The following NRXN1 variants were observed in gnomAD, a reference collection of about 807,000 sequenced individuals.
NRXN1 encodes neurexin 1.
In NRXN1, 39 loss-of-function variants were observed where a neutral mutation model predicts 150.9. The observed-to-expected ratio is 0.26, with a 90% CI of 0.20 to 0.34. NRXN1 has a LOEUF of 0.34. Among genes scored for constraint, NRXN1 ranks in the 10% least tolerant of loss-of-function variants. The probability of loss-of-function intolerance (pLI) is 1.00; values close to 1 mark genes in which losing one functional copy is unlikely to be tolerated. For missense variants in NRXN1, 1,815 were observed against 1,949.9 expected (o/e 0.93, Z 1.30); for synonymous variants, 924 against 757.0 (o/e 1.22, Z -3.62).
rs144187550 is a variant in NRXN1, at chr2:50,007,944, T to C, written c.4128+45327A>G. ...AGTGTTATTCTAACTCCCAATGCTG[T>C]CTACCTAATGTGAAAGTTCACCATT... is the stretch of plus-strand genomic sequence containing the variant. On this transcript the variant is annotated intron_variant, in intron 21 of 22. Coordinates refer to ENST00000401669, the MANE Select transcript of NRXN1 (RefSeq NM_001330078.2). Among the ~76,000 whole-genome samples, 92 of 152,242 alleles carry C rather than the reference T, an allele frequency of 6.0e-4. No homozygotes were observed. The East Asian group carries it at 0.016, about 27-fold the overall frequency.
chr2:50,848,393 T>C (rs1247740724), intron 5 of NRXN1, among the ~76,000 whole-genome samples: 1 of 152,110 alleles, frequency 6.6e-6, no homozygotes, highest in Non-Finnish European at 1.5e-5. Flanking sequence ...CTCCAATGGG[T>C]CAAAGTTATC....
chr2:50,623,212 C>T (rs1680359389), intron 6 of NRXN1, 102 bp downstream of exon 6: 1 of 879,078 alleles, frequency 1.1e-6, no homozygotes, highest in Non-Finnish European at 1.7e-6. Context: ...TTGCAAGTGA[C>T]TCTGAGGAGC....
At chr2:50,559,478 T>G (rs968815942) in intron 8 of NRXN1, among the ~76,000 whole-genome samples, 2 of 152,204 alleles carry the variant, frequency 1.3e-5, no homozygotes, top group African/African-American at 2.4e-5. Context: ...CACTTCCCTG[T>G]GCATATGCCT....
chr2:50,866,623 G>A (rs895642559), intron 5 of NRXN1, among the ~76,000 whole-genome samples: 1 of 151,836 alleles, frequency 6.6e-6, no homozygotes, highest in Admixed American at 6.6e-5. Context: ...TAATTTACAC[G>A]CCTCTTTAAG....
At chr2:50,115,238 TATAC>T (rs1558909225) in intron 18 of NRXN1, among the ~76,000 whole-genome samples, 1 of 145,028 alleles carries the variant, frequency 6.9e-6, no homozygotes, top group African/African-American at 2.5e-5. Context: ...TATATATATA[TATAC>T]ACACACACAC....
chr2:50,139,823 A>G (rs1030984829), intron 18 of NRXN1, among the ~76,000 whole-genome samples: 4 of 152,206 alleles, frequency 2.6e-5, no homozygotes, highest in Non-Finnish European at 4.4e-5. Flanking sequence ...AAGAGTCATC[A>G]AGGAAAAAAT....
intron 18 of NRXN1, among the ~76,000 whole-genome samples, chr2:50,191,210 T>G (rs201630411): frequency 1.3e-4 from 12 of 93,778 alleles, no homozygotes; most frequent in East Asian, 1.1e-3. Context: ...TTTTTGTTTT[T>G]TTTTTTTTTA....
At chr2:50,825,633 T>A (rs1276937532) in intron 5 of NRXN1, among the ~76,000 whole-genome samples, 2 of 152,216 alleles carry the variant, frequency 1.3e-5, no homozygotes, top group Non-Finnish European at 2.9e-5. Context: ...GTATCCTTTG[T>A]AATATTCTTT....
chr2:50,541,761 C>A (rs1035715679), intron 9 of NRXN1, among the ~76,000 whole-genome samples: 79 of 140,990 alleles, frequency 5.6e-4, no homozygotes, highest in African/African-American at 2.0e-3. Context: ...AAATATTCAA[C>A]TCTACAGCCT....
chr2:49,947,289 G>A (rs1673077711), intron 21 of NRXN1, among the ~76,000 whole-genome samples: 1 of 152,092 alleles, frequency 6.6e-6, no homozygotes, highest in Non-Finnish European at 1.5e-5. Context: ...TTAGAGGGAG[G>A]AGGATATAAA....
chr2:50,064,717 C>G (rs1302808415), intron 19 of NRXN1, among the ~76,000 whole-genome samples: 3 of 152,092 alleles, frequency 2.0e-5, no homozygotes, highest in Non-Finnish European at 2.9e-5. Flanking sequence ...TGTTAACCCT[C>G]CAAGGAGCAT....
At chr2:50,153,350 T>C (rs2058807943) in intron 18 of NRXN1, among the ~76,000 whole-genome samples, 1 of 151,640 alleles carries the variant, frequency 6.6e-6, no homozygotes. Context: ...TCTATTTTTT[T>C]TTCCTTTAAA....
chr2:50,084,094 C>G (rs1698396679), intron 19 of NRXN1, among the ~76,000 whole-genome samples: 1 of 152,226 alleles, frequency 6.6e-6, no homozygotes, highest in Admixed American at 6.5e-5. Flanking sequence ...ACACAAGGTG[C>G]TGATTGCTGT....
chr2:50,315,066 T>C (rs1174899189), intron 17 of NRXN1, among the ~76,000 whole-genome samples: 1 of 152,092 alleles, frequency 6.6e-6, no homozygotes, highest in Non-Finnish European at 1.5e-5. Flanking sequence ...GTTCGGTGTA[T>C]ATTCTTCTAG....
intron 13 of NRXN1, among the ~76,000 whole-genome samples, chr2:50,504,971 C>T (rs182586970): frequency 5.9e-4 from 90 of 152,254 alleles, no homozygotes; most frequent in Admixed American, 1.6e-3. Flanking sequence ...TTAAACAATA[C>T]CCAAAACCAA....
chr2:50,146,449 C>T (rs954707597), intron 18 of NRXN1, among the ~76,000 whole-genome samples: 2 of 151,618 alleles, frequency 1.3e-5, no homozygotes, highest in South Asian at 2.1e-4. Flanking sequence ...CAATGATAGA[C>T]TGGATAAAGA....
At chr2:50,502,892 A>G (rs910391207) in intron 13 of NRXN1, among the ~76,000 whole-genome samples, 1 of 152,160 alleles carries the variant, frequency 6.6e-6, no homozygotes, top group Admixed American at 6.5e-5. Flanking sequence ...AGCAGCACTG[A>G]GGTCACCTAC....
chr2:50,091,212 G>C, intron 19 of NRXN1, 111 bp downstream of exon 19: 3 of 1,228,798 alleles, frequency 2.4e-6, no homozygotes, highest in Non-Finnish European at 3.6e-6. Flanking sequence ...CCAATAAATA[G>C]TTGATGGTTT....
chr2:50,715,081 T>C (rs544912164), intron 5 of NRXN1, among the ~76,000 whole-genome samples: 1 of 152,294 alleles, frequency 6.6e-6, no homozygotes, highest in South Asian at 2.1e-4. Context: ...CATTATTCTA[T>C]GGAAAACAAT....
Sources: gnomAD v4.1 joint callset for allele counts (sites outside exome capture counted in the v4.1 genomes callset) on GRCh38, gnomAD v4.1.1 for gene constraint, MANE v1.5 for transcripts, NCBI Gene and HGNC (gene_info 2026-07-23, HGNC 2026-07-21) for gene names.